MYO1D: variants seen among roughly 807,000 people sequenced by gnomAD.
The protein encoded by MYO1D is myosin ID, also known as unconventional myosin-Id.
Under a neutral mutation model 122.0 loss-of-function variants are expected in MYO1D, and 83 were observed. The ratio of observed to expected loss-of-function variants is 0.68; its 90% CI spans 0.57 to 0.82. The LOEUF is 0.82. Ranked by LOEUF, MYO1D falls within the 40% of genes least tolerant of loss-of-function variation. The pLI is 0.00. For missense variants in MYO1D, 1,157 were observed against 1,269.5 expected (o/e 0.91, Z 1.35); for synonymous variants, 464 against 446.9 (o/e 1.04, Z -0.48).
chr17:32,702,078 T>C (rs893540155), intron 16 of MYO1D, among the ~76,000 whole-genome samples: 3 of 152,180 alleles, frequency 2.0e-5, no homozygotes, highest in African/African-American at 7.2e-5. Context: ...CCCCATAACA[T>C]GCCTGCCAGT....
chr17:32,508,815 C>A (rs916663), intron 21 of MYO1D, among the ~76,000 whole-genome samples: 57,081 of 151,962 alleles, frequency 0.38, 11,355 homozygotes, highest in Non-Finnish European at 0.43. Flanking sequence ...CAAGTCTTAA[C>A]CTCTATGCAT....
At chr17:32,694,623 C>T (rs923091625) in intron 16 of MYO1D, among the ~76,000 whole-genome samples, 1 of 144,578 alleles carries the variant, frequency 6.9e-6, no homozygotes, top group African/African-American at 2.6e-5. Flanking sequence ...ATGGCGTGAA[C>T]CCGGGAAGCG....
chr17:32,837,351 T>C (rs1243305241), intron 1 of MYO1D, among the ~76,000 whole-genome samples: 1 of 151,322 alleles, frequency 6.6e-6, no homozygotes, highest in Non-Finnish European at 1.5e-5. Flanking sequence ...TTATATTATA[T>C]AGGACCATAA....
chr17:32,796,587 A>C (rs920149652), intron 1 of MYO1D, among the ~76,000 whole-genome samples: 1 of 151,948 alleles, frequency 6.6e-6, no homozygotes, highest in Non-Finnish European at 1.5e-5. Context: ...TAATTTTTGT[A>C]TTTCTTGTAG....
chr17:32,531,181 T>C (rs545041840), intron 21 of MYO1D: 17 of 152,322 alleles, frequency 1.1e-4, no homozygotes, highest in African/African-American at 3.1e-4. Flanking sequence ...GAGACTTCCG[T>C]TGGGATTCAT....
At chr17:32,762,869 C>T (rs1367611235) in intron 8 of MYO1D, among the ~76,000 whole-genome samples, 4 of 117,376 alleles carry the variant, frequency 3.4e-5, no homozygotes, top group Admixed American at 2.7e-4. Context: ...GAGACACCGT[C>T]TCAAAAAAAA....
At chr17:32,565,147 G>T (rs1260085414) in intron 21 of MYO1D, among the ~76,000 whole-genome samples, 1 of 152,148 alleles carries the variant, frequency 6.6e-6, no homozygotes, top group African/African-American at 2.4e-5. Context: ...GGGACTACAG[G>T]TGTTCACCAC....
intron 21 of MYO1D, among the ~76,000 whole-genome samples, chr17:32,539,727 T>C (rs1353589894): frequency 6.6e-6 from 1 of 152,230 alleles, no homozygotes; most frequent in Non-Finnish European, 1.5e-5. Context: ...TCGAGATTCT[T>C]AATTAAATCT....
chr17:32,537,815 T>C (rs545043838), intron 21 of MYO1D, among the ~76,000 whole-genome samples: 2 of 152,246 alleles, frequency 1.3e-5, no homozygotes, highest in Admixed American at 1.3e-4. Context: ...TTAGAATCAA[T>C]CACCAAAGTG....
At chr17:32,711,904 T>C (rs2089381174) in intron 16 of MYO1D, 84 bp downstream of exon 16, 2 of 1,137,332 alleles carry the variant, frequency 1.8e-6, no homozygotes, top group Non-Finnish European at 2.5e-6. Flanking sequence ...TCCAGGAATA[T>C]TTCTTGAATT....
chr17:32,640,848 C>A (rs531733423), intron 19 of MYO1D, among the ~76,000 whole-genome samples: 2 of 152,028 alleles, frequency 1.3e-5, no homozygotes, highest in East Asian at 3.9e-4. Flanking sequence ...TTCAGAAATA[C>A]TGCAAACCAC....
intron 16 of MYO1D, among the ~76,000 whole-genome samples, chr17:32,701,900 T>C (rs941380554): frequency 6.6e-6 from 1 of 152,226 alleles, no homozygotes; most frequent in Non-Finnish European, 1.5e-5. Flanking sequence ...CTGGAATAGA[T>C]GACTACCTTA....
chr17:32,748,549 T>C (rs1351951183), intron 12 of MYO1D, among the ~76,000 whole-genome samples: 1 of 152,198 alleles, frequency 6.6e-6, no homozygotes, highest in Admixed American at 6.5e-5. Flanking sequence ...TTCTTCATTA[T>C]AGTGACCTTT....
chr17:32,758,592 T>C (rs988418759), intron 10 of MYO1D, among the ~76,000 whole-genome samples: 1 of 152,170 alleles, frequency 6.6e-6, no homozygotes, highest in African/African-American at 2.4e-5. Context: ...TAGGTGGGTA[T>C]AGTACAGATG....
chr17:32,712,043 G>A lies in MYO1D; in HGVS notation c.2066C>T (p.Thr689Ile), dbSNP rs778350254. The A allele has an allele frequency of 6.2e-7, 1 of 1,614,088 alleles. No individual in the cohort carries two copies. The highest frequency in any genetic ancestry group is 1.1e-5 in the South Asian group (1 of 91,080). Residue 689 changes from threonine (T) to isoleucine (I), a missense_variant, in exon 16 of 22, where the codon ACC becomes ATC. Thr to Ile is a moderately conservative substitution (Grantham distance 89, BLOSUM62 -1). Transcript: ENST00000318217. ...IFIRTPRTLF[T>I]LEELRAQMLI... is the part of the protein sequence containing the mutation. ...CATCTGGGCACGGAGTTCTTCCAAG[G>A]TAAACAATGTTCGGGGTGTTCGAAT... is the stretch of plus-strand genomic sequence containing the variant.
chr17:32,699,969 A>G (rs981864068), intron 16 of MYO1D, among the ~76,000 whole-genome samples: 21 of 152,250 alleles, frequency 1.4e-4, no homozygotes, highest in Non-Finnish European at 2.4e-4. Flanking sequence ...GTGATCATAA[A>G]GCAGTGAAAC....
chr17:32,718,268 T>G (rs187570163), intron 15 of MYO1D, among the ~76,000 whole-genome samples: 1 of 152,066 alleles, frequency 6.6e-6, no homozygotes, highest in African/African-American at 2.4e-5. Flanking sequence ...TCTCAGAGAG[T>G]TCCCCCATTC....
rs2087609889 is a variant in MYO1D, at chr17:32,605,072, A to C, written c.2864+15T>G. The C allele has an allele frequency of 1.9e-6, 3 of 1,562,746 alleles. No individual in the cohort carries two copies. The highest frequency in any genetic ancestry group is 1.4e-5 in the African/African-American group (1 of 73,926). ...AGATTTAAAACGTGTCTTAGTTACAAAAATCAAACTTTACCTCTTGAAATG... is the reference window on the plus strand; with the variant it reads ...AGATTTAAAACGTGTCTTAGTTACACAAATCAAACTTTACCTCTTGAAATG... On this transcript the variant is annotated intron_variant, in intron 21 of 21. Transcript: ENST00000318217.
At chr17:32,811,894 C>A (rs558628742) in intron 1 of MYO1D, among the ~76,000 whole-genome samples, 12 of 152,042 alleles carry the variant, frequency 7.9e-5, no homozygotes, top group Non-Finnish European at 1.5e-4. Context: ...TGAGGAGAGC[C>A]AGTCTAAAAG....
Sources: gnomAD v4.1 joint callset for allele counts (sites outside exome capture counted in the v4.1 genomes callset) on GRCh38, gnomAD v4.1.1 for gene constraint, MANE v1.5 for transcripts, NCBI Gene and HGNC (gene_info 2026-07-23, HGNC 2026-07-21) for gene names.